Variants in CDH13 observed in about 807,000 individuals in gnomAD.
The protein encoded by CDH13 is cadherin-13.
CDH13 carries 24 observed loss-of-function variants against 63.8 expected under a neutral mutation model. The ratio of observed to expected loss-of-function variants is 0.38; its 90% CI spans 0.27 to 0.53. The LOEUF (loss-of-function observed/expected upper bound fraction) is 0.53, where lower values mean the gene tolerates loss of function less well. CDH13 is among the 20% of genes least tolerant of loss of function. The pLI, the probability that CDH13 is intolerant of heterozygous loss-of-function variation, is 0.85. For synonymous variants in CDH13, 503 were observed against 355.3 expected, an observed-to-expected ratio of 1.42 and a Z score of -4.67; for missense variants, 1,049 against 903.1, an observed-to-expected ratio of 1.16 and a Z score of -2.07.
chr16:82,702,974 T>A (rs1414293014), intron 1 of CDH13, among the ~76,000 whole-genome samples: 1 of 152,090 alleles, frequency 6.6e-6, no homozygotes, highest in Non-Finnish European at 1.5e-5. Context: ...TTGGTGAGGG[T>A]GTATCCTCTC....
chr16:82,963,234 C>T (rs1173515905), intron 2 of CDH13, among the ~76,000 whole-genome samples: 1 of 150,062 alleles, frequency 6.7e-6, no homozygotes, highest in Non-Finnish European at 1.5e-5. Flanking sequence ...AAAAAAATTG[C>T]CAGGTGTGGT....
intron 1 of CDH13, among the ~76,000 whole-genome samples, chr16:82,671,615 T>G (rs1487382302): frequency 6.6e-6 from 1 of 152,228 alleles, no homozygotes; most frequent in Non-Finnish European, 1.5e-5. Flanking sequence ...TTGTGGTCAC[T>G]GAAAGAGCAT....
chr16:83,737,511 T>C (rs1414933264), intron 10 of CDH13, among the ~76,000 whole-genome samples: 2 of 151,030 alleles, frequency 1.3e-5, no homozygotes, highest in African/African-American at 4.9e-5. Flanking sequence ...ATAGGGTTCT[T>C]TTTTTTTTGG....
chr16:83,194,247 C>T (rs1336429952), intron 4 of CDH13, among the ~76,000 whole-genome samples: 2 of 152,198 alleles, frequency 1.3e-5, no homozygotes, highest in African/African-American at 4.8e-5. Context: ...TCCACGGGGG[C>T]CCCCTCTGGC....
chr16:83,039,636 A>C (rs1917164631), intron 3 of CDH13, among the ~76,000 whole-genome samples: 1 of 151,540 alleles, frequency 6.6e-6, no homozygotes, highest in Non-Finnish European at 1.5e-5. Flanking sequence ...CTGTGTGTTC[A>C]CCACTCTATC....
At position 83,709,055 on chromosome 16, in the gene CDH13, TA is replaced by T. The variant is rs1356387317; in HGVS notation, c.1538+30600del. 3.3e-5 allele frequency among the ~76,000 whole-genome samples: 5 copies of T among 151,942 alleles called. No homozygotes were observed. In the East Asian group the frequency reaches 5.8e-4, roughly 18 times the overall value. ...TTAAATTAAAAAATAAAAATTAAAT[TA>T]AAAAATTAAAATGGAGGCAGGAGGG... On this transcript the variant is annotated intron_variant, in intron 10 of 13. Coordinates refer to ENST00000567109, the MANE Select transcript of CDH13 (RefSeq NM_001257.5).
intron 1 of CDH13, among the ~76,000 whole-genome samples, chr16:82,807,184 A>G (rs2151172074): frequency 6.6e-6 from 1 of 152,138 alleles, no homozygotes; most frequent in Middle Eastern, 3.4e-3. Context: ...CAAATGTCAT[A>G]TAAAAATGCA....
chr16:83,677,206 GAGTGACAGAC>G (rs1257684107), intron 9 of CDH13, among the ~76,000 whole-genome samples: 1 of 152,238 alleles, frequency 6.6e-6, no homozygotes, highest in Non-Finnish European at 1.5e-5. Flanking sequence ...TTGGGAAAGA[GAGTGACAGAC>G]ACTCAATTGG....
At chr16:82,821,049 G>A (rs1470823034) in intron 1 of CDH13, among the ~76,000 whole-genome samples, 1 of 152,130 alleles carries the variant, frequency 6.6e-6, no homozygotes, top group Admixed American at 6.6e-5. Flanking sequence ...TTGGAAAGCT[G>A]GAGACCAGCT....
intron 1 of CDH13, among the ~76,000 whole-genome samples, chr16:82,806,506 GT>G (rs1176072547): frequency 1.3e-5 from 2 of 152,028 alleles, no homozygotes; most frequent in East Asian, 1.9e-4. Context: ...GTTTTGTTTT[GT>G]TTTGTTTTTG....
chr16:82,633,772 C>T (rs1446109112), intron 1 of CDH13, among the ~76,000 whole-genome samples: 2 of 152,200 alleles, frequency 1.3e-5, no homozygotes, highest in African/African-American at 4.8e-5. Flanking sequence ...ACACCCACGG[C>T]CGTTCTACAT....
At chr16:82,890,360 T>G (rs2041036078) in intron 2 of CDH13, among the ~76,000 whole-genome samples, 1 of 152,176 alleles carries the variant, frequency 6.6e-6, no homozygotes, top group South Asian at 2.1e-4. Context: ...GTTTGATCAC[T>G]CACCACCATC....
intron 1 of CDH13, among the ~76,000 whole-genome samples, chr16:82,657,521 T>C (rs191051263): frequency 4.5e-4 from 68 of 152,334 alleles, no homozygotes; most frequent in Admixed American, 3.6e-3. Flanking sequence ...TTAAAACTTA[T>C]GAATTATTTT....
At chr16:83,677,623 A>G (rs1312883601) in intron 9 of CDH13, among the ~76,000 whole-genome samples, 1 of 152,222 alleles carries the variant, frequency 6.6e-6, no homozygotes, top group Admixed American at 6.5e-5. Context: ...GAAGGGACAT[A>G]GAGACCCTTT....
intron 7 of CDH13, among the ~76,000 whole-genome samples, chr16:83,572,735 GA>G (rs1285338978): frequency 1.3e-5 from 2 of 152,306 alleles, no homozygotes; most frequent in East Asian, 3.9e-4. Context: ...TGATTTAGAA[GA>G]ATTCGGAACA....
chr16:83,580,484 C>T (rs1156854756), intron 7 of CDH13, among the ~76,000 whole-genome samples: 3 of 136,600 alleles, frequency 2.2e-5, no homozygotes, highest in African/African-American at 8.3e-5. Flanking sequence ...CTCTCTCTCT[C>T]TCTCTCTCTC....
chr16:83,703,219 T>C (rs1906511880), intron 10 of CDH13, among the ~76,000 whole-genome samples: 1 of 152,208 alleles, frequency 6.6e-6, no homozygotes, highest in African/African-American at 2.4e-5. Flanking sequence ...TATTAACTTT[T>C]TTCCAACAGT....
intron 4 of CDH13, among the ~76,000 whole-genome samples, chr16:83,191,713 C>T (rs1234949877): frequency 1.3e-5 from 2 of 151,662 alleles, no homozygotes; most frequent in African/African-American, 2.4e-5. Flanking sequence ...GGGCAGGAAG[C>T]ATCCAGCATG....
intron 1 of CDH13, among the ~76,000 whole-genome samples, chr16:82,759,419 A>G (rs1248097766): frequency 1.3e-5 from 2 of 151,864 alleles, no homozygotes; most frequent in African/African-American, 4.8e-5. Flanking sequence ...CCAATGCATT[A>G]TGGTCTTCAT....
Sources: allele counts gnomAD v4.1 joint callset (sites outside exome capture counted in the v4.1 genomes callset), GRCh38; gene constraint gnomAD v4.1.1; transcripts MANE v1.5; gene names NCBI Gene and HGNC (gene_info 2026-07-23, HGNC 2026-07-21).